Variants in ARMH3 observed in about 807,000 individuals in gnomAD.
ARMH3 encodes armadillo like helical domain containing 3.
Under a neutral mutation model 99.1 loss-of-function variants are expected in ARMH3, and 60 were observed. The observed-to-expected ratio is 0.61, with a 90% CI of 0.49 to 0.75. ARMH3 has a LOEUF of 0.75. Among genes scored for constraint, ARMH3 ranks in the 30% least tolerant of loss-of-function variants. ARMH3 has a pLI of 0.00. For synonymous variants in ARMH3, 285 were observed against 292.8 expected, an observed-to-expected ratio of 0.97 and a Z score of 0.27; for missense variants, 679 against 843.1, an observed-to-expected ratio of 0.81 and a Z score of 2.41.
intron 19 of ARMH3, among the ~76,000 whole-genome samples, chr10:101,987,086 T>C (rs568614080): frequency 2.0e-5 from 3 of 152,294 alleles, no homozygotes; most frequent in Non-Finnish European, 2.9e-5. Context: ...AAACAGATAA[T>C]ATACCTGTAA....
At chr10:102,000,881 A>T (rs577029308) in intron 15 of ARMH3, among the ~76,000 whole-genome samples, 1 of 151,918 alleles carries the variant, frequency 6.6e-6, no homozygotes, top group Admixed American at 6.6e-5. Flanking sequence ...CAGTGGCGCG[A>T]TCTCAACTCT....
chr10:101,978,135 T>A (rs1428843691), intron 19 of ARMH3, among the ~76,000 whole-genome samples: 1 of 152,156 alleles, frequency 6.6e-6, no homozygotes, highest in Admixed American at 6.5e-5. Context: ...CTTTTGCATA[T>A]CAAATGAACA....
chr10:101,940,985 A>G (rs1844217953), intron 22 of ARMH3, among the ~76,000 whole-genome samples: 3 of 152,254 alleles, frequency 2.0e-5, no homozygotes, highest in African/African-American at 7.2e-5. Context: ...AGGGCTAAAT[A>G]TGCAGAGAGC....
At chr10:101,927,711 T>C (rs1843564361) in intron 23 of ARMH3, among the ~76,000 whole-genome samples, 1 of 152,220 alleles carries the variant, frequency 6.6e-6, no homozygotes, top group Non-Finnish European at 1.5e-5. Context: ...GGAGGACTGC[T>C]TGAGCCCAGG....
At chr10:101,963,456 A>C (rs1184633113) in intron 20 of ARMH3, among the ~76,000 whole-genome samples, 1 of 152,002 alleles carries the variant, frequency 6.6e-6, no homozygotes, top group Non-Finnish European at 1.5e-5. Flanking sequence ...TTTTTAGTAG[A>C]GACGGGGTTT....
intron 23 of ARMH3, among the ~76,000 whole-genome samples, chr10:101,890,872 ATTT>A (rs1313468909): frequency 6.9e-5 from 9 of 130,876 alleles, no homozygotes; most frequent in African/African-American, 8.4e-5. Flanking sequence ...CCTGACTGGT[ATTT>A]TTTTTTTTTT....
chr10:101,946,071 C>CAAAAAAAAAAAAAAAAAAAAAAAAAAA (rs569179050), intron 22 of ARMH3, among the ~76,000 whole-genome samples: 4 of 34,486 alleles, frequency 1.2e-4, no homozygotes, highest in African/African-American at 7.2e-4. Context: ...GACTCTGCCT[C>CAAAAAAAAAAAAAAAAAAAAAAAAAAA]AAAAAAAAAA....
chr10:101,853,917 AGCCTG>A (rs1564690395), intron 24 of ARMH3, among the ~76,000 whole-genome samples: 1 of 152,210 alleles, frequency 6.6e-6, no homozygotes, highest in East Asian at 1.9e-4. Flanking sequence ...GTTCGAGACC[AGCCTG>A]GCCAAGATGG....
At chr10:101,893,667 C>G (rs1468512211) in intron 23 of ARMH3, among the ~76,000 whole-genome samples, 1 of 126,170 alleles carries the variant, frequency 7.9e-6, no homozygotes, top group Non-Finnish European at 1.7e-5. Flanking sequence ...GGACATAAGA[C>G]AGGAAAAAAA....
At chr10:101,980,990 A>G (rs1388309876) in intron 19 of ARMH3, among the ~76,000 whole-genome samples, 4 of 151,778 alleles carry the variant, frequency 2.6e-5, no homozygotes, top group Non-Finnish European at 5.9e-5. Context: ...GCTCTCACTC[A>G]TAAGTGGGAG....
In ARMH3 at chr10:101,874,761, A is replaced by C. The variant is rs142052852; in HGVS notation, c.1860+14651T>G. Among the ~76,000 whole-genome samples the C allele has an allele frequency of 1.6e-3, 238 of 152,112 alleles. 5 individuals are homozygous for C. In the East Asian group the frequency reaches 0.041, roughly 26 times the overall value. On this transcript the variant is annotated intron_variant, in intron 24 of 25. Transcript: ENST00000370033. The stretch of plus-strand genomic sequence containing the variant: ...ATCATGGCTCTGCTTGTGGCAACTC[A>C]CTCTGAATAAGGGCCAATAGTTTAT...
At chr10:101,936,350 G>A (rs1843974248) in intron 23 of ARMH3, among the ~76,000 whole-genome samples, 1 of 151,654 alleles carries the variant, frequency 6.6e-6, no homozygotes, top group Admixed American at 6.6e-5. Context: ...AAATTAGCCG[G>A]GAATAGTGGT....
chr10:102,013,808 G>A (rs1024851757), intron 9 of ARMH3, among the ~76,000 whole-genome samples, 160 bp downstream of exon 9: 2 of 152,106 alleles, frequency 1.3e-5, no homozygotes, highest in East Asian at 3.8e-4. Context: ...ACAGTAAAAC[G>A]GTAGCACTGA....
At chr10:101,902,042 C>T (rs2067994688) in intron 23 of ARMH3, among the ~76,000 whole-genome samples, 1 of 152,136 alleles carries the variant, frequency 6.6e-6, no homozygotes, top group African/African-American at 2.4e-5. Flanking sequence ...TTGTTGAGAC[C>T]TAATCAGTAT....
At chr10:102,053,214 T>TAAAAAAAAAAAAAAAAAAAAA (rs1191838493) in intron 1 of ARMH3, among the ~76,000 whole-genome samples, 3 of 49,008 alleles carry the variant, frequency 6.1e-5, no homozygotes, top group African/African-American at 7.9e-5. Context: ...CCTCAGAAGC[T>TAAAAAAAAAAAAAAAAAAAAA]AAAAAAAAAA....
chr10:101,874,628 T>C (rs2067216862), intron 24 of ARMH3, among the ~76,000 whole-genome samples: 2 of 152,196 alleles, frequency 1.3e-5, no homozygotes, highest in Non-Finnish European at 2.9e-5. Context: ...CTCAATCATT[T>C]GCTAAGCTGA....
chr10:101,983,126 C>T (rs901788881), intron 19 of ARMH3, among the ~76,000 whole-genome samples: 17 of 152,126 alleles, frequency 1.1e-4, no homozygotes, highest in Non-Finnish European at 1.8e-4. Flanking sequence ...AGGTGACTGA[C>T]GGCTGGCCTC....
At chr10:101,854,006 G>A (rs937988675) in intron 24 of ARMH3, among the ~76,000 whole-genome samples, 7 of 152,090 alleles carry the variant, frequency 4.6e-5, no homozygotes, top group Non-Finnish European at 4.4e-5. Context: ...CCAGCTACTC[G>A]GGAGGCTGAG....
chr10:101,956,455 G>T, intron 22 of ARMH3, 142 bp downstream of exon 22: 1 of 1,068,976 alleles, frequency 9.4e-7, no homozygotes, highest in Non-Finnish European at 1.3e-6. Flanking sequence ...CCTTCCTATT[G>T]CCTGAGAAGA....
Sources: gnomAD v4.1 joint callset for allele counts (sites outside exome capture counted in the v4.1 genomes callset) on GRCh38, gnomAD v4.1.1 for gene constraint, MANE v1.5 for transcripts, NCBI Gene and HGNC (gene_info 2026-07-23, HGNC 2026-07-21) for gene names.